IMMP2L: variants seen among roughly 807,000 people sequenced by gnomAD.
The protein encoded by IMMP2L is mitochondrial inner membrane protease subunit 2.
In IMMP2L, 18 loss-of-function variants were observed where a neutral mutation model predicts 19.3. The ratio of observed to expected loss-of-function variants is 0.93; its 90% CI spans 0.64 to 1.38. The LOEUF (loss-of-function observed/expected upper bound fraction) is 1.38. IMMP2L is among the 40% of genes most tolerant of loss of function. The pLI is 0.00. For missense variants in IMMP2L, 233 were observed against 218.2 expected, an observed-to-expected ratio of 1.07 and a Z score of -0.43; for synonymous variants, 76 against 73.0, an observed-to-expected ratio of 1.04 and a Z score of -0.21.
chr7:111,556,564 T>C (rs533294349), intron 1 of IMMP2L, among the ~76,000 whole-genome samples: 1 of 152,194 alleles, frequency 6.6e-6, no homozygotes, highest in Admixed American at 6.5e-5. Flanking sequence ...CACAGCACGA[T>C]AGCTTTACCT....
chr7:111,338,712 TG>T (rs1826713622), intron 3 of IMMP2L, among the ~76,000 whole-genome samples: 1 of 152,094 alleles, frequency 6.6e-6, no homozygotes, highest in Non-Finnish European at 1.5e-5. Context: ...ATATACTCTG[TG>T]AGGTATTATT....
At chr7:111,354,310 G>A (rs1045392836) in intron 3 of IMMP2L, among the ~76,000 whole-genome samples, 2 of 151,848 alleles carry the variant, frequency 1.3e-5, no homozygotes, top group Admixed American at 1.3e-4. Context: ...GATAAATAGA[G>A]AACATATATA....
At chr7:111,305,172 G>GA (rs899090481) in intron 3 of IMMP2L, among the ~76,000 whole-genome samples, 117 of 150,952 alleles carry the variant, frequency 7.8e-4, no homozygotes, top group South Asian at 1.0e-3. Flanking sequence ...AGCTGGGTAG[G>GA]AAAAAAAAAT....
chr7:110,931,179 T>C (rs1164620389), intron 4 of IMMP2L, among the ~76,000 whole-genome samples: 1 of 152,302 alleles, frequency 6.6e-6, no homozygotes, highest in African/African-American at 2.4e-5. Flanking sequence ...TCATTCTATA[T>C]GTTTTGCAGG....
At chr7:111,509,463 T>C (rs1845244136) in intron 2 of IMMP2L, among the ~76,000 whole-genome samples, 1 of 152,152 alleles carries the variant, frequency 6.6e-6, no homozygotes, top group African/African-American at 2.4e-5. Flanking sequence ...TAGTTATAGC[T>C]CAATTTGAGC....
chr7:110,704,391 A>G (rs1195229437), intron 5 of IMMP2L, among the ~76,000 whole-genome samples: 1 of 152,216 alleles, frequency 6.6e-6, no homozygotes, highest in African/African-American at 2.4e-5. Context: ...ACACCTATTA[A>G]ACAATGCAAC....
At chr7:111,206,581 C>A (rs1810732072) in intron 3 of IMMP2L, among the ~76,000 whole-genome samples, 1 of 151,808 alleles carries the variant, frequency 6.6e-6, no homozygotes, top group South Asian at 2.1e-4. Flanking sequence ...ATACAATATA[C>A]AATGTATCAA....
chr7:111,514,086 G>C (rs946392623), intron 2 of IMMP2L, among the ~76,000 whole-genome samples: 4 of 152,042 alleles, frequency 2.6e-5, no homozygotes, highest in African/African-American at 9.7e-5. Flanking sequence ...AGTTATGTAG[G>C]ATTAATAATT....
intron 3 of IMMP2L, among the ~76,000 whole-genome samples, chr7:111,465,702 T>C (rs982555124): frequency 5.3e-5 from 8 of 151,880 alleles, no homozygotes; most frequent in African/African-American, 1.7e-4. Context: ...TGTGGAGAAA[T>C]AGGAACACTT....
intron 3 of IMMP2L, among the ~76,000 whole-genome samples, chr7:111,362,851 G>C (rs1182217910): frequency 6.6e-6 from 1 of 152,064 alleles, no homozygotes; most frequent in Non-Finnish European, 1.5e-5. Flanking sequence ...TGCCTTGCTT[G>C]TTGTAACATG....
chr7:111,023,543 CA>C (rs5886587), intron 3 of IMMP2L, among the ~76,000 whole-genome samples: 90,519 of 133,084 alleles, frequency 0.68, 29,297 homozygotes, highest in Middle Eastern at 0.74. Context: ...ACTAAAAATA[CA>C]AAAAAAAAAA....
At chr7:110,919,648 C>A (rs190061083) in intron 4 of IMMP2L, among the ~76,000 whole-genome samples, 2 of 151,500 alleles carry the variant, frequency 1.3e-5, no homozygotes, top group South Asian at 2.1e-4. Flanking sequence ...TTGAAATGTG[C>A]GCATTTTCTT....
chr7:110,990,476 T>C (rs905101125), intron 3 of IMMP2L, among the ~76,000 whole-genome samples: 4 of 152,216 alleles, frequency 2.6e-5, no homozygotes, highest in African/African-American at 7.2e-5. Flanking sequence ...TTAATTATTT[T>C]AGTTATACCC....
At chr7:111,443,332 AC>A (rs533620312) in intron 3 of IMMP2L, among the ~76,000 whole-genome samples, 52 of 152,296 alleles carry the variant, frequency 3.4e-4, no homozygotes, top group Middle Eastern at 3.4e-3. Flanking sequence ...TATCAAAGGA[AC>A]TTGCTACTTT....
At chr7:111,221,310 C>T (rs1453066131) in intron 3 of IMMP2L, among the ~76,000 whole-genome samples, 2 of 152,016 alleles carry the variant, frequency 1.3e-5, no homozygotes, top group African/African-American at 2.4e-5. Flanking sequence ...CACAAGACTA[C>T]TTGAAAAATT....
At chr7:111,524,950 T>C (rs1338053713) in intron 1 of IMMP2L, among the ~76,000 whole-genome samples, 1 of 152,112 alleles carries the variant, frequency 6.6e-6, no homozygotes, top group Non-Finnish European at 1.5e-5. Flanking sequence ...TTTCAACCAG[T>C]ATTTACTAAC....
At chr7:111,194,148 A>T (rs1399203078) in intron 3 of IMMP2L, among the ~76,000 whole-genome samples, 1 of 152,142 alleles carries the variant, frequency 6.6e-6, no homozygotes, top group Non-Finnish European at 1.5e-5. Context: ...GGGAACACAC[A>T]TCTGTCTCCT....
chr7:111,185,920 ATTGTT>A (rs1315523675), intron 3 of IMMP2L, among the ~76,000 whole-genome samples: 3 of 152,146 alleles, frequency 2.0e-5, no homozygotes, highest in African/African-American at 7.2e-5. Flanking sequence ...TCACATTCCC[ATTGTT>A]TTACATATCT....
At chr7:111,135,113 T>C (rs1802209688) in intron 3 of IMMP2L, among the ~76,000 whole-genome samples, 1 of 152,134 alleles carries the variant, frequency 6.6e-6, no homozygotes, top group African/African-American at 2.4e-5. Flanking sequence ...GCACAAACTG[T>C]CATCTCATTC....
Sources: gnomAD v4.1 joint callset for allele counts (sites outside exome capture counted in the v4.1 genomes callset) on GRCh38, gnomAD v4.1.1 for gene constraint, MANE v1.5 for transcripts, NCBI Gene and HGNC (gene_info 2026-07-23, HGNC 2026-07-21) for gene names.